The following AUTS2 variants were observed in gnomAD, a reference collection of about 807,000 sequenced individuals.
AUTS2 encodes autism susceptibility gene 2 protein.
A neutral mutation model predicts 112.4 loss-of-function variants in AUTS2; 17 were observed. The observed-to-expected ratio is 0.15, with a 90% CI of 0.10 to 0.23. AUTS2 has a LOEUF of 0.23. AUTS2 is among the 10% of genes least tolerant of loss of function. The pLI is 1.00. For missense variants in AUTS2, 1,510 were observed against 1,701.6 expected (o/e 0.89, Z 1.98); for synonymous variants, 751 against 702.7 (o/e 1.07, Z -1.09).
intron 2 of AUTS2, among the ~76,000 whole-genome samples, chr7:70,045,122 A>C (rs1801442069): frequency 6.6e-6 from 1 of 152,148 alleles, no homozygotes; most frequent in South Asian, 2.1e-4. Context: ...TGCCATTAGA[A>C]GGTATTACAT....
chr7:69,811,027 G>A (rs1279187276), intron 1 of AUTS2, among the ~76,000 whole-genome samples: 2 of 152,154 alleles, frequency 1.3e-5, no homozygotes, highest in Non-Finnish European at 2.9e-5. Context: ...AATGCTGCCA[G>A]TGTCTCTAAT....
intron 5 of AUTS2, among the ~76,000 whole-genome samples, chr7:70,663,964 T>C (rs939914259): frequency 2.0e-5 from 3 of 152,180 alleles, no homozygotes; most frequent in Admixed American, 6.5e-5. Context: ...CAGCCTAAAA[T>C]TGAACTCAAA....
intron 4 of AUTS2, among the ~76,000 whole-genome samples, chr7:70,145,333 T>C (rs1327794792): frequency 6.6e-6 from 1 of 152,054 alleles, no homozygotes; most frequent in Non-Finnish European, 1.5e-5. Flanking sequence ...TTTAAAAAAA[T>C]TAGCTGGACA....
intron 6 of AUTS2, among the ~76,000 whole-genome samples, chr7:70,741,534 A>C (rs1385494823): frequency 3.3e-5 from 5 of 152,016 alleles, no homozygotes; most frequent in Non-Finnish European, 4.4e-5. Context: ...TCTACTAAAA[A>C]TACAAAATTA....
At chr7:69,602,497 A>G (rs1792491303) in intron 1 of AUTS2, among the ~76,000 whole-genome samples, 1 of 152,140 alleles carries the variant, frequency 6.6e-6, no homozygotes, top group African/African-American at 2.4e-5. Flanking sequence ...CAGGTTTGAG[A>G]ACTACCAACT....
At chr7:69,745,670 T>C (rs1787459583) in intron 1 of AUTS2, among the ~76,000 whole-genome samples, 1 of 152,144 alleles carries the variant, frequency 6.6e-6, no homozygotes, top group African/African-American at 2.4e-5. Context: ...CCAATATAGA[T>C]TATATTTTGG....
At chr7:70,756,675 C>G (rs1789232895) in intron 6 of AUTS2, among the ~76,000 whole-genome samples, 1 of 152,080 alleles carries the variant, frequency 6.6e-6, no homozygotes, top group Non-Finnish European at 1.5e-5. Flanking sequence ...ACTTCTACTA[C>G]AAATGCAGAC....
At chr7:70,738,576 C>A (rs895797685) in intron 6 of AUTS2, among the ~76,000 whole-genome samples, 9 of 152,058 alleles carry the variant, frequency 5.9e-5, no homozygotes, top group African/African-American at 1.9e-4. Context: ...CAGTGTCAGT[C>A]CCTCTGCAGA....
chr7:70,626,573 A>C (rs1246090503), intron 5 of AUTS2, among the ~76,000 whole-genome samples: 1 of 152,046 alleles, frequency 6.6e-6, no homozygotes. Context: ...ACATGGGTAT[A>C]TTTTGTGATG....
intron 2 of AUTS2, among the ~76,000 whole-genome samples, chr7:70,047,948 T>A (rs1452932436): frequency 6.6e-6 from 1 of 152,054 alleles, no homozygotes; most frequent in Non-Finnish European, 1.5e-5. Context: ...TCAAGGAGAA[T>A]ATGGTAAATA....
At chr7:69,979,626 C>T (rs1798210410) in intron 2 of AUTS2, among the ~76,000 whole-genome samples, 1 of 152,168 alleles carries the variant, frequency 6.6e-6, no homozygotes, top group Non-Finnish European at 1.5e-5. Context: ...CAGATTACCT[C>T]ATAAGAGTAT....
chr7:70,218,614 A>G (rs1050172758), intron 4 of AUTS2, among the ~76,000 whole-genome samples: 21 of 152,184 alleles, frequency 1.4e-4, no homozygotes, highest in African/African-American at 5.1e-4. Flanking sequence ...TCAGCCTTCT[A>G]ATTACAACAT....
chr7:69,707,493 TA>T (rs768037218), intron 1 of AUTS2, among the ~76,000 whole-genome samples: 2 of 151,634 alleles, frequency 1.3e-5, no homozygotes, highest in East Asian at 1.9e-4. Context: ...AATTTTTATT[TA>T]AAAAAAAAGT....
intron 1 of AUTS2, among the ~76,000 whole-genome samples, chr7:69,745,147 C>T (rs893732859): frequency 1.8e-4 from 27 of 152,248 alleles, no homozygotes; most frequent in African/African-American, 5.1e-4. Flanking sequence ...ACTCTTTCTC[C>T]GGCTGACCAA....
intron 5 of AUTS2, among the ~76,000 whole-genome samples, chr7:70,564,168 T>C (rs944601910): frequency 6.6e-6 from 1 of 152,238 alleles, no homozygotes; most frequent in Non-Finnish European, 1.5e-5. Context: ...GTCAGTTCTA[T>C]TACAATCATG....
At chr7:70,590,317 G>C (rs993259692) in intron 5 of AUTS2, among the ~76,000 whole-genome samples, 2 of 152,150 alleles carry the variant, frequency 1.3e-5, no homozygotes, top group Non-Finnish European at 2.9e-5. Context: ...AGCTTAGAGA[G>C]GTTGAAGCGA....
chr7:69,705,552 C>T (rs2129194214), intron 1 of AUTS2, among the ~76,000 whole-genome samples: 1 of 152,204 alleles, frequency 6.6e-6, no homozygotes, highest in Non-Finnish European at 1.5e-5. Context: ...TCAAATAGCA[C>T]CTAGGGACGG....
chr7:70,593,639 T>C (rs940271901), intron 5 of AUTS2, among the ~76,000 whole-genome samples: 1 of 152,228 alleles, frequency 6.6e-6, no homozygotes, highest in African/African-American at 2.4e-5. Context: ...CCAAGCCCTA[T>C]ATATTTATAG....
chr7:70,098,085 C>T (rs954821159), intron 2 of AUTS2, among the ~76,000 whole-genome samples: 1 of 152,080 alleles, frequency 6.6e-6, no homozygotes, highest in Non-Finnish European at 1.5e-5. Context: ...AAAAAATCTT[C>T]GTAATGATTA....
Sources: gnomAD v4.1 joint callset for allele counts (sites outside exome capture counted in the v4.1 genomes callset) on GRCh38, gnomAD v4.1.1 for gene constraint, MANE v1.5 for transcripts, NCBI Gene and HGNC (gene_info 2026-07-23, HGNC 2026-07-21) for gene names.